Variants in CPSF3 observed in about 807,000 individuals in gnomAD.
The protein encoded by CPSF3 is cleavage and polyadenylation specific factor 3.
CPSF3 carries 57 observed loss-of-function variants against 84.1 expected under a neutral mutation model. The ratio of observed to expected loss-of-function variants is 0.68; its 90% CI spans 0.55 to 0.85. The LOEUF (loss-of-function observed/expected upper bound fraction) is 0.85, where lower values mean the gene tolerates loss of function less well. CPSF3 is among the 40% of genes least tolerant of loss of function. The probability of loss-of-function intolerance (pLI) is 0.00; values close to 1 mark genes in which losing one functional copy is unlikely to be tolerated. For missense variants in CPSF3, 522 were observed against 838.8 expected (o/e 0.62, Z 4.66); for synonymous variants, 275 against 278.1 (o/e 0.99, Z 0.11).
rs975831103 is a variant in CPSF3, at chr2:9,444,422, G to A, written c.1242+761G>A. Among the ~76,000 whole-genome samples, 6 of 151,676 alleles carry A rather than the reference G, an allele frequency of 4.0e-5. No homozygotes were observed. In the South Asian group the frequency reaches 6.3e-4, roughly 16 times the overall value. ...ATTACAGGCGCGAGCCACTGCACCCGGCCGACTTACTTATATTTTTAAGTA... is the reference window on the plus strand; with the variant it reads ...ATTACAGGCGCGAGCCACTGCACCCAGCCGACTTACTTATATTTTTAAGTA... On this transcript the variant is annotated intron_variant, in intron 10 of 17. Transcript: ENST00000238112.
At position 9,471,395 on chromosome 2, in the gene CPSF3, G is replaced by A. The variant is rs199631426; in HGVS notation, c.1909G>A (p.Val637Ile). 167 of 1,612,734 alleles carry A rather than the reference G, an allele frequency of 1.0e-4. 1 individual carries two copies. Among genetic ancestry groups the A allele is most frequent in the South Asian group, 5.7e-4 (52 of 91,062 alleles). The change falls in exon 17 of 18, where the codon GTC (valine) becomes ATC (isoleucine). Residue 637 changes from valine to isoleucine, a missense_variant. Physicochemically the swap from Val to Ile is conservative, Grantham distance 29. Transcript: ENST00000238112. ...TGTAAAGGATGACTCTATTCTTAGC[G>A]TCACAGTGGACGGGAAAACTGCCAA... Reference protein sequence around the residue: ...VSVKDDSILSVTVDGKTANLN... With the variant: ...VSVKDDSILSITVDGKTANLN...
intron 9 of CPSF3, 110 bp from the exon 10 acceptor site, chr2:9,443,405 G>A (rs766913670): frequency 9.9e-6 from 10 of 1,014,300 alleles, no homozygotes; most frequent in Admixed American, 9.8e-5. Context: ...GATTTTGTGC[G>A]TAAGGTCCTA....
chr2:9,435,319 CT>C (rs1423073434), intron 6 of CPSF3, among the ~76,000 whole-genome samples: 1 of 152,102 alleles, frequency 6.6e-6, no homozygotes, highest in Non-Finnish European at 1.5e-5. Context: ...GAGAAATAAC[CT>C]TTTTCTTCCT....
intron 14 of CPSF3, among the ~76,000 whole-genome samples, chr2:9,458,390 C>T (rs549657811): frequency 1.3e-5 from 2 of 151,726 alleles, no homozygotes; most frequent in South Asian, 2.1e-4. Flanking sequence ...AGTGACAGAG[C>T]GAGACGCTGT....
intron 6 of CPSF3, 47 bp from the exon 7 acceptor site, chr2:9,436,164 T>C (rs775710729): frequency 1.4e-5 from 21 of 1,474,814 alleles, no homozygotes; most frequent in Non-Finnish European, 1.9e-5. Context: ...TTTTGAATTC[T>C]TGGAGGATCA....
intron 16 of CPSF3, among the ~76,000 whole-genome samples, chr2:9,468,963 A>G (rs940671281): frequency 2.0e-5 from 3 of 152,188 alleles, no homozygotes; most frequent in Admixed American, 6.5e-5. Context: ...AAAAAAAATG[A>G]TAGACTTTAA....
At chr2:9,469,438 C>G (rs1041767779) in intron 16 of CPSF3, among the ~76,000 whole-genome samples, 1 of 152,166 alleles carries the variant, frequency 6.6e-6, no homozygotes, top group African/African-American at 2.4e-5. Context: ...CCCTGGGGCT[C>G]TACAAGAATA....
At chr2:9,435,167 T>G (rs1680728937) in intron 6 of CPSF3, among the ~76,000 whole-genome samples, 1 of 152,214 alleles carries the variant, frequency 6.6e-6, no homozygotes, top group Non-Finnish European at 1.5e-5. Flanking sequence ...GTCTGAGATT[T>G]TGCGCTTCTG....
intron 15 of CPSF3, among the ~76,000 whole-genome samples, chr2:9,466,380 TCGCACACACGCGCACACACACGCACG>T (rs1681972957): frequency 3.1e-5 from 4 of 130,252 alleles, no homozygotes; most frequent in East Asian, 2.5e-4. Context: ...ACCCACGCAC[TCGCACACACGCGCACACACACGCACG>T]CGCACACACG....
At chr2:9,438,598 G>A (rs937512935) in intron 7 of CPSF3, among the ~76,000 whole-genome samples, 2 of 148,930 alleles carry the variant, frequency 1.3e-5, no homozygotes, top group South Asian at 2.1e-4. Context: ...TCACCACAAC[G>A]TCTGCCTCCC....
intron 17 of CPSF3, among the ~76,000 whole-genome samples, chr2:9,471,647 C>T (rs6432004): frequency 0.069 from 10,467 of 151,760 alleles, 1,244 homozygotes; most frequent in African/African-American, 0.24. Context: ...ACAAGGTTCG[C>T]GTGTATGCCA....
chr2:9,429,050 C>G (rs1407974028), intron 2 of CPSF3, among the ~76,000 whole-genome samples: 1 of 152,212 alleles, frequency 6.6e-6, no homozygotes, highest in Non-Finnish European at 1.5e-5. Flanking sequence ...TCAGCTAGAT[C>G]TGTTGAACTG....
rs1169395041 is a variant in CPSF3, at chr2:9,430,002, A to C, written c.194A>C (p.Asp65Ala). The stretch of plus-strand genomic sequence containing the variant: ...GATTTAATTGACCCAGCTGAGATTG[A>C]TCTCCTATTAATTAGTCAGTAAGTT... ...YIDLIDPAEI[D>A]LLLISHFHLD... The change falls in exon 3 of 18, where the codon GAT becomes GCT. Residue 65 changes from aspartate (D) to alanine (A), a missense_variant. Transcript: ENST00000238112. 1 of 1,569,162 alleles carries C rather than the reference A, an allele frequency of 6.4e-7. No individual in the cohort carries two copies. The highest frequency in any genetic ancestry group is 1.4e-5 in the African/African-American group (1 of 72,068).
At chr2:9,463,163 A>T (rs1681790465) in intron 15 of CPSF3, among the ~76,000 whole-genome samples, 2 of 152,206 alleles carry the variant, frequency 1.3e-5, no homozygotes, top group South Asian at 4.1e-4. Flanking sequence ...CAGATCCCAT[A>T]GGGTCTTGTT....
chr2:9,442,989 C>T (rs2124825692), intron 9 of CPSF3, among the ~76,000 whole-genome samples: 1 of 152,232 alleles, frequency 6.6e-6, no homozygotes, highest in South Asian at 2.1e-4. Flanking sequence ...ATGGAGAAAT[C>T]CCATCTCTAC....
At chr2:9,447,619 C>T (rs893989108) in intron 10 of CPSF3, among the ~76,000 whole-genome samples, 1 of 148,862 alleles carries the variant, frequency 6.7e-6, no homozygotes, top group Non-Finnish European at 1.5e-5. Flanking sequence ...ACTAAAAATA[C>T]AAAAAATTAG....
At position 9,455,654 on chromosome 2, in the gene CPSF3, T is replaced by C. The variant is rs199981922; in HGVS notation, c.1505-5T>C. On this transcript the variant is annotated splice_polypyrimidine_tract_variant and splice_region_variant and intron_variant, in intron 12 of 17. Transcript: ENST00000238112. The stretch of plus-strand genomic sequence containing the variant: ...TCTTCAAGTCTCTTCTCATTTTCTC[T>C]TCAGATTATACTGACCTGGCCATGA... 3 of 1,606,956 alleles carry C rather than the reference T, an allele frequency of 1.9e-6. No homozygotes were observed. The highest frequency in any genetic ancestry group is 2.6e-6 in the Non-Finnish European group (3 of 1,174,520).
At chr2:9,449,331 A>G (rs2124837597) in intron 11 of CPSF3, among the ~76,000 whole-genome samples, 1 of 152,274 alleles carries the variant, frequency 6.6e-6, no homozygotes, top group East Asian at 1.9e-4. Context: ...TGGAGGTTGT[A>G]GTGAGCTGAG....
intron 15 of CPSF3, among the ~76,000 whole-genome samples, chr2:9,460,412 G>C (rs2124858473): frequency 6.6e-6 from 1 of 152,128 alleles, no homozygotes; most frequent in Non-Finnish European, 1.5e-5. Flanking sequence ...CTGGGCGACA[G>C]AGCAAGACTC....
Sources: allele counts gnomAD v4.1 joint callset (sites outside exome capture counted in the v4.1 genomes callset), GRCh38; gene constraint gnomAD v4.1.1; transcripts MANE v1.5; gene names NCBI Gene and HGNC (gene_info 2026-07-23, HGNC 2026-07-21).